Variants in GPR107 observed in about 807,000 individuals in gnomAD.
GPR107 encodes the protein protein GPR107.
GPR107 carries 31 observed loss-of-function variants against 75.5 expected under a neutral mutation model. The observed-to-expected ratio is 0.41, with a 90% CI of 0.31 to 0.55. The LOEUF is 0.55. GPR107 is among the 20% of genes least tolerant of loss of function. The probability of loss-of-function intolerance (pLI) is 0.26; values close to 1 mark genes in which losing one functional copy is unlikely to be tolerated. For missense variants in GPR107, 572 were observed against 665.7 expected (o/e 0.86, Z 1.55); for synonymous variants, 267 against 251.3 (o/e 1.06, Z -0.59).
chr9:130,122,485 C>T (rs914993468), intron 14 of GPR107, among the ~76,000 whole-genome samples: 4 of 152,330 alleles, frequency 2.6e-5, no homozygotes, highest in Middle Eastern at 3.4e-3. Context: ...TCTCAGTTCT[C>T]ATGTCTTGTC....
intron 1 of GPR107, among the ~76,000 whole-genome samples, chr9:130,071,044 T>TC (rs1830196020): frequency 7.1e-6 from 1 of 139,886 alleles, no homozygotes; most frequent in Admixed American, 7.2e-5. Flanking sequence ...TCTTTTTTTT[T>TC]TTTTTTTTTG....
intron 9 of GPR107, among the ~76,000 whole-genome samples, chr9:130,095,477 C>T (rs542527762): frequency 6.6e-6 from 1 of 152,274 alleles, no homozygotes; most frequent in South Asian, 2.1e-4. Context: ...TCACTGCAAC[C>T]TCTGCCTTCT....
intron 14 of GPR107, among the ~76,000 whole-genome samples, chr9:130,118,350 T>G (rs1454840590): frequency 6.6e-6 from 1 of 152,172 alleles, no homozygotes; most frequent in Non-Finnish European, 1.5e-5. Flanking sequence ...CTTGCTGGCC[T>G]TCTTAGTTCC....
At chr9:130,065,080 C>T (rs1236944446) in intron 1 of GPR107, among the ~76,000 whole-genome samples, 1 of 152,174 alleles carries the variant, frequency 6.6e-6, no homozygotes, top group African/African-American at 2.4e-5. Flanking sequence ...AACCTCACCC[C>T]AAAGCTCTAA....
intron 2 of GPR107, among the ~76,000 whole-genome samples, chr9:130,076,092 C>G (rs1389613412): frequency 6.6e-6 from 1 of 152,084 alleles, no homozygotes; most frequent in African/African-American, 2.4e-5. Flanking sequence ...GGGGTTTACT[C>G]TTTTAGCTTA....
At chr9:130,074,596 G>A (rs62583870) in intron 1 of GPR107, among the ~76,000 whole-genome samples, 20,049 of 152,042 alleles carry the variant, frequency 0.13, 1,371 homozygotes, top group Non-Finnish European at 0.16. Flanking sequence ...GGTGGGGTAG[G>A]CGTCTGCCCA....
intron 3 of GPR107, among the ~76,000 whole-genome samples, chr9:130,077,036 C>T (rs1387369743): frequency 6.6e-6 from 1 of 151,674 alleles, no homozygotes; most frequent in Non-Finnish European, 1.5e-5. Flanking sequence ...TGCAGGTGCC[C>T]GCCACCACAC....
chr9:130,072,671 A>G (rs1475734412), intron 1 of GPR107, among the ~76,000 whole-genome samples: 1 of 152,120 alleles, frequency 6.6e-6, no homozygotes, highest in Non-Finnish European at 1.5e-5. Context: ...GTATCATCAA[A>G]TGAAATGATG....
chr9:130,082,957 G>T (rs1462846685), intron 5 of GPR107, among the ~76,000 whole-genome samples: 1 of 152,066 alleles, frequency 6.6e-6, no homozygotes, highest in Non-Finnish European at 1.5e-5. Flanking sequence ...GTCTCGCTCT[G>T]TCACCCAGGC....
chr9:130,121,859 C>T (rs1299961426), intron 14 of GPR107, among the ~76,000 whole-genome samples: 1 of 152,076 alleles, frequency 6.6e-6, no homozygotes, highest in Non-Finnish European at 1.5e-5. Flanking sequence ...CTTCAGCAAG[C>T]AAAATTCAGG....
chr9:130,088,458 G>A (rs192798363), intron 7 of GPR107, among the ~76,000 whole-genome samples: 1 of 152,248 alleles, frequency 6.6e-6, no homozygotes. Context: ...ACTGTACTTA[G>A]TTATGTTTAT....
At chr9:130,073,914 C>A (rs1830275863) in intron 1 of GPR107, among the ~76,000 whole-genome samples, 2 of 152,200 alleles carry the variant, frequency 1.3e-5, no homozygotes, top group South Asian at 4.1e-4. Flanking sequence ...TGCCACAATG[C>A]CCGGCTAATT....
chr9:130,053,986 C>T lies in GPR107; in HGVS notation c.54C>T (p.Ala18=), dbSNP rs1443353824. ...GSPASRGPRL[A]AGLRLLPMLG... is the part of the protein sequence containing the mutation. ...CCGCCTCCCGCGGTCCTAGGCTGGC[C>T]GCGGGCCTCCGGCTGCTCCCAATGC... The change falls in exon 1 of 18, where the codon GCC becomes GCT. Residue 18 remains alanine, a synonymous_variant. Transcript: ENST00000347136. 1.0e-5 allele frequency: 16 copies of T among 1,552,748 alleles called. No homozygotes were observed. Among genetic ancestry groups the T allele is most frequent in the Non-Finnish European group, 1.4e-5 (16 of 1,149,152 alleles).
intron 7 of GPR107, among the ~76,000 whole-genome samples, chr9:130,090,203 C>A (rs567661318): frequency 6.6e-6 from 1 of 152,108 alleles, no homozygotes; most frequent in South Asian, 2.1e-4. Flanking sequence ...TAGGCTTGAC[C>A]AAGAAGTCAT....
At chr9:130,114,261 C>T (rs939635184) in intron 14 of GPR107, among the ~76,000 whole-genome samples, 8 of 151,686 alleles carry the variant, frequency 5.3e-5, no homozygotes, top group African/African-American at 1.2e-4. Context: ...CCCAGCTACT[C>T]GAGAAGCTGA....
chr9:130,085,871 C>T (rs1332363760), intron 6 of GPR107, among the ~76,000 whole-genome samples: 1 of 150,930 alleles, frequency 6.6e-6, no homozygotes, highest in Non-Finnish European at 1.5e-5. Context: ...CTGCCTCAGC[C>T]TCCGGAGTAG....
intron 1 of GPR107, among the ~76,000 whole-genome samples, 154 bp from the exon 2 acceptor site, chr9:130,075,482 G>A (rs182475548): frequency 0.013 from 1,926 of 152,208 alleles, 20 homozygotes; most frequent in Non-Finnish European, 0.021. Flanking sequence ...CTGACCTCAG[G>A]TGATCCACCC....
intron 1 of GPR107, among the ~76,000 whole-genome samples, chr9:130,060,179 C>T (rs1045974537): frequency 1.3e-5 from 2 of 152,072 alleles, no homozygotes; most frequent in Non-Finnish European, 1.5e-5. Flanking sequence ...TCTCCTGCCT[C>T]AGCCTCCTGA....
chr9:130,124,381 T>C (rs569768153), intron 14 of GPR107, among the ~76,000 whole-genome samples: 2 of 152,334 alleles, frequency 1.3e-5, no homozygotes, highest in Non-Finnish European at 2.9e-5. Flanking sequence ...AGGGAGGTTG[T>C]ACTGAAAGGG....
Sources: gnomAD v4.1 joint callset for allele counts (sites outside exome capture counted in the v4.1 genomes callset) on GRCh38, gnomAD v4.1.1 for gene constraint, MANE v1.5 for transcripts, NCBI Gene and HGNC (gene_info 2026-07-23, HGNC 2026-07-21) for gene names.